PARVA: variants seen among roughly 807,000 people sequenced by gnomAD.
PARVA encodes the protein parvin alpha.
A neutral mutation model predicts 52.6 loss-of-function variants in PARVA; 25 were observed. That is an observed-to-expected ratio of 0.48 (90% CI 0.35 to 0.66). The LOEUF is 0.66. Ranked by LOEUF, PARVA falls within the 30% of genes least tolerant of loss-of-function variation. PARVA has a pLI of 0.01. For synonymous variants in PARVA, 185 were observed against 179.1 expected (o/e 1.03, Z -0.26); for missense variants, 373 against 450.9 (o/e 0.83, Z 1.56).
intron 12 of PARVA, among the ~76,000 whole-genome samples, chr11:12,520,098 T>A (rs1941618706): frequency 6.6e-6 from 1 of 152,246 alleles, no homozygotes; most frequent in Non-Finnish European, 1.5e-5. Flanking sequence ...GACAGATAAT[T>A]TTCCCAATAT....
chr11:12,465,159 CCTG>C (rs2135027619), intron 1 of PARVA, among the ~76,000 whole-genome samples: 1 of 152,176 alleles, frequency 6.6e-6, no homozygotes, highest in African/African-American at 2.4e-5. Flanking sequence ...TAGTTCATAT[CCTG>C]GGGGTTGGGG....
upstream of PARVA, chr11:12,376,839 C>A: frequency 1.9e-6 from 1 of 514,918 alleles, no homozygotes; most frequent in Non-Finnish European, 2.5e-6. Context: ...GGTTGTCACT[C>A]TCTTGCTTTT....
intron 1 of PARVA, among the ~76,000 whole-genome samples, chr11:12,399,050 C>A (rs981777399): frequency 1.3e-4 from 20 of 152,322 alleles, no homozygotes; most frequent in African/African-American, 4.8e-4. Flanking sequence ...GGTTGAGCAA[C>A]TAGCCCATAG....
chr11:12,500,985 A>G (rs1038975306), intron 5 of PARVA, among the ~76,000 whole-genome samples: 2 of 149,950 alleles, frequency 1.3e-5, no homozygotes, highest in Non-Finnish European at 3.0e-5. Flanking sequence ...GCATGCACCT[A>G]TAATCCCAGC....
rs554709960 is a variant in PARVA at position 12,383,987 on chromosome 11, C to T, written c.136+6204C>T. ...AATTGAGACCAGCTATGAGCTCCTT[C>T]AAGTTCCCTTTCTACCATATCTGGC... On this transcript the variant is annotated intron_variant, in intron 1 of 12. Coordinates refer to ENST00000334956, the MANE Select transcript of PARVA (RefSeq NM_018222.5). Among the ~76,000 whole-genome samples the T allele has an allele frequency of 1.3e-4, 20 of 152,260 alleles. 1 individual carries two copies. The South Asian group carries it at 1.7e-3, about 13-fold the overall frequency.
chr11:12,397,605 GA>G (rs890784280), intron 1 of PARVA, among the ~76,000 whole-genome samples: 26 of 152,148 alleles, frequency 1.7e-4, no homozygotes, highest in African/African-American at 6.0e-4. Flanking sequence ...ATTCAGTCTT[GA>G]AAAGAGAGGG....
At chr11:12,496,111 G>T (rs540517620) in intron 4 of PARVA, among the ~76,000 whole-genome samples, 1 of 152,226 alleles carries the variant, frequency 6.6e-6, no homozygotes, top group Admixed American at 6.5e-5. Context: ...TACAGAGAAG[G>T]CTTTCCAGTC....
At chr11:12,480,890 GGTTT>G in intron 4 of PARVA, 1 of 151,348 alleles carries the variant, frequency 6.6e-6, no homozygotes, top group African/African-American at 2.4e-5. Context: ...GGAATGTTTT[GGTTT>G]GTTTTCTTTT....
chr11:12,454,551 C>T (rs1015394563), intron 1 of PARVA, among the ~76,000 whole-genome samples: 13 of 150,950 alleles, frequency 8.6e-5, no homozygotes, highest in Admixed American at 5.9e-4. Context: ...GCTTTACCCC[C>T]GCAATCCAGT....
chr11:12,460,010 G>A (rs1314956599), intron 1 of PARVA, among the ~76,000 whole-genome samples: 2 of 152,180 alleles, frequency 1.3e-5, no homozygotes, highest in African/African-American at 4.8e-5. Flanking sequence ...GCTTATGCAA[G>A]ATTATTCTCC....
intron 1 of PARVA, among the ~76,000 whole-genome samples, chr11:12,378,970 T>C (rs1240428747): frequency 6.6e-6 from 1 of 152,212 alleles, no homozygotes; most frequent in Non-Finnish European, 1.5e-5. Flanking sequence ...GGCCACTCCA[T>C]AGACAGAGCA....
chr11:12,532,003 A>C lies in PARVA; in HGVS notation c.*4078A>C, dbSNP rs1941778063. 6.6e-6 allele frequency among the ~76,000 whole-genome samples: 1 copy of C among 152,136 alleles called. No individual in the cohort carries two copies. The highest frequency in any genetic ancestry group is 2.4e-5 in the African/African-American group (1 of 41,424). On this transcript the variant is annotated 3_prime_UTR_variant, in exon 13 of 13. Coordinates refer to ENST00000334956, the MANE Select transcript of PARVA (RefSeq NM_018222.5). Reference sequence around the variant, plus strand: ...ATACCAGAGTTTCGACTGTGTTTTTACTCTCTGCTCCCTGAAAACTGTAAC... The same window carrying C: ...ATACCAGAGTTTCGACTGTGTTTTTCCTCTCTGCTCCCTGAAAACTGTAAC...
At chr11:12,401,233 T>C (rs1468267723) in intron 1 of PARVA, among the ~76,000 whole-genome samples, 3 of 152,196 alleles carry the variant, frequency 2.0e-5, no homozygotes, top group Admixed American at 1.3e-4. Flanking sequence ...CAAATAATTA[T>C]AAGTGGCTAA....
intron 1 of PARVA, among the ~76,000 whole-genome samples, chr11:12,440,415 C>A (rs1406689362): frequency 6.6e-6 from 1 of 152,196 alleles, no homozygotes; most frequent in Non-Finnish European, 1.5e-5. Flanking sequence ...TGGGGCCTGG[C>A]CACATTTGGG....
chr11:12,416,237 T>TTA (rs1281175922), intron 1 of PARVA, among the ~76,000 whole-genome samples: 1 of 152,204 alleles, frequency 6.6e-6, no homozygotes, highest in East Asian at 1.9e-4. Context: ...GTGTTTCACA[T>TTA]TATTAATTCG....
intron 1 of PARVA, among the ~76,000 whole-genome samples, chr11:12,469,725 C>T (rs552141865): frequency 1.3e-5 from 2 of 152,106 alleles, no homozygotes; most frequent in Non-Finnish European, 2.9e-5. Flanking sequence ...TGTACCAAAT[C>T]GTTTCCTGAA....
intron 1 of PARVA, among the ~76,000 whole-genome samples, chr11:12,434,431 C>T (rs1361598201): frequency 6.6e-6 from 1 of 152,178 alleles, no homozygotes; most frequent in African/African-American, 2.4e-5. Flanking sequence ...TCAAACAGGC[C>T]TTCTCTTTCC....
At position 12,516,683 on chromosome 11, in the gene PARVA, T is replaced by C. The variant is rs529669375; in HGVS notation, c.868-927T>C. On this transcript the variant is annotated intron_variant, in intron 10 of 12. Transcript: ENST00000334956. Reference sequence around the variant, plus strand: ...TCATGTCCTGATTGCTTTGTTGTTTTCCCAGACAGTAATAGCAACATTTAA... The same window carrying C: ...TCATGTCCTGATTGCTTTGTTGTTTCCCCAGACAGTAATAGCAACATTTAA... Among the ~76,000 whole-genome samples, 36 of 152,356 alleles carry C rather than the reference T, an allele frequency of 2.4e-4. 1 individual carries two copies. The highest frequency in any genetic ancestry group is 2.4e-3 in the Admixed American group (36 of 15,312).
rs149291626 is a variant in PARVA at position 12,404,681 on chromosome 11, G to A, written c.136+26898G>A. Among the ~76,000 whole-genome samples the A allele has an allele frequency of 1.2e-4, 18 of 152,358 alleles. No individual in the cohort carries two copies. The East Asian group carries it at 3.3e-3, about 28-fold the overall frequency. ...AGTGCTGAATTTGGCCCCATTTAGG[G>A]TAGCGCGGGTGGCCCTGTTTGCTTA... On this transcript the variant is annotated intron_variant, in intron 1 of 12. Coordinates refer to ENST00000334956, the MANE Select transcript of PARVA (RefSeq NM_018222.5).
Sources: allele counts gnomAD v4.1 joint callset (sites outside exome capture counted in the v4.1 genomes callset), GRCh38; gene constraint gnomAD v4.1.1; transcripts MANE v1.5; gene names NCBI Gene and HGNC (gene_info 2026-07-23, HGNC 2026-07-21).